Variants in LANCL2 observed in about 807,000 individuals in gnomAD.
LANCL2 encodes lanC-like protein 2.
LANCL2 carries 33 observed loss-of-function variants against 56.9 expected under a neutral mutation model. The ratio of observed to expected loss-of-function variants is 0.58; its 90% CI spans 0.44 to 0.78. LANCL2 has a LOEUF of 0.78. Ranked by LOEUF, LANCL2 falls within the 30% of genes least tolerant of loss-of-function variation. The pLI, the probability that LANCL2 is intolerant of heterozygous loss-of-function variation, is 0.00. For missense variants in LANCL2, 562 were observed against 580.2 expected (o/e 0.97, Z 0.32); for synonymous variants, 233 against 228.2 (o/e 1.02, Z -0.19).
In LANCL2 at chr7:55,431,218, C is replaced by T. The variant is rs773850906; in HGVS notation, c.1259-8C>T. On this transcript the variant is annotated splice_polypyrimidine_tract_variant and splice_region_variant and intron_variant, in intron 8 of 8. Coordinates refer to ENST00000254770, the MANE Select transcript of LANCL2 (RefSeq NM_018697.4). ...CATTCCTAAGAGGCTCCTCATTTTA[C>T]ATTGCAGGCATGGCTGGCGCTATTC... is the stretch of plus-strand genomic sequence containing the variant. The T allele has an allele frequency of 3.1e-6, 5 of 1,603,624 alleles. No individual in the cohort carries two copies. Among genetic ancestry groups the T allele is most frequent in the Non-Finnish European group, 4.3e-6 (5 of 1,174,202 alleles).
intron 5 of LANCL2, among the ~76,000 whole-genome samples, chr7:55,409,340 C>T (rs974648330): frequency 3.3e-5 from 5 of 151,958 alleles, no homozygotes; most frequent in South Asian, 2.1e-4. Flanking sequence ...CCACCCGCCT[C>T]GGCCTCCCAA....
At position 55,401,245 on chromosome 7, in the gene LANCL2, G is replaced by A. The variant is rs1366259069; in HGVS notation, c.750G>A (p.Leu250=). Residue 250 remains leucine (L), a synonymous_variant, in exon 5 of 9, where the codon CTG becomes CTA. Transcript: ENST00000254770. The stretch of plus-strand genomic sequence containing the variant: ...AAAGAAAAACGGAGCGCTGCCCGCT[G>A]TTGTACCAGTGGCACCGGAAGCAGT... ...REERKTERCP[L]LYQWHRKQYV... 2.5e-6 allele frequency: 4 copies of A among 1,614,054 alleles called. No individual in the cohort carries two copies. Among genetic ancestry groups the A allele is most frequent in the Middle Eastern group, 1.6e-4 (1 of 6,084 alleles).
intron 6 of LANCL2, among the ~76,000 whole-genome samples, chr7:55,418,150 A>C (rs1190171481): frequency 6.6e-6 from 1 of 151,276 alleles, no homozygotes; most frequent in East Asian, 1.9e-4. Flanking sequence ...TACATTTTCC[A>C]ATTATGTATT....
At chr7:55,379,309 A>G (rs778830735) in intron 1 of LANCL2, among the ~76,000 whole-genome samples, 9 of 152,224 alleles carry the variant, frequency 5.9e-5, no homozygotes, top group Non-Finnish European at 1.3e-4. Flanking sequence ...ATCAGCAGGC[A>G]GAAGGGGAGA....
Position 55,412,098 on chromosome 7 carries a change from T to C in LANCL2, c.1008+9T>C, listed in dbSNP as rs1051567117. On this transcript the variant is annotated intron_variant, in intron 6 of 8. Transcript: ENST00000254770. The stretch of plus-strand genomic sequence containing the variant: ...TCATGCAGGCGTACAAGGTCAGTGC[T>C]TCCGCCGTCACGGCCGTCCCCTGTG... 1.2e-6 allele frequency: 2 copies of C among 1,606,556 alleles called. No individual in the cohort carries two copies. The highest frequency in any genetic ancestry group is 2.7e-5 in the African/African-American group (2 of 74,812).
intron 7 of LANCL2, among the ~76,000 whole-genome samples, chr7:55,426,933 C>CAGCAGGGGTGAGAT (rs1790670556): frequency 6.6e-6 from 1 of 151,990 alleles, no homozygotes; most frequent in Admixed American, 6.5e-5. Flanking sequence ...AGGGGTGAGA[C>CAGCAGGGGTGAGAT]GCAGCCGGTT....
chr7:55,420,416 A>G (rs573399535), intron 6 of LANCL2, among the ~76,000 whole-genome samples: 25 of 152,362 alleles, frequency 1.6e-4, no homozygotes, highest in African/African-American at 5.5e-4. Context: ...GTTACAGAAC[A>G]TATTATGTAC....
At chr7:55,413,978 A>G (rs1023527348) in intron 6 of LANCL2, among the ~76,000 whole-genome samples, 3 of 152,238 alleles carry the variant, frequency 2.0e-5, no homozygotes, top group Non-Finnish European at 2.9e-5. Context: ...TAAATGATAA[A>G]TGTTCAAGGT....
At position 55,365,771 on chromosome 7, in the gene LANCL2, T is replaced by G. The variant is rs750922234; in HGVS notation, c.-255T>G. 674 of 361,932 alleles carry G rather than the reference T, an allele frequency of 1.9e-3. 5 individuals carry two copies. Among genetic ancestry groups the G allele is most frequent in the East Asian group, 1.7e-3 (42 of 24,972 alleles). 22.4% of individuals were successfully genotyped at this position (361,932 alleles called of 1,614,324 possible). A position where few individuals can be genotyped will look rare whatever the true frequency, so the allele number is the denominator to read the frequency against. ...GGGCGCTCCCGCGAGCCCGCTCCTC[T>G]CCGTCGGGAGCAGGGCAAAGGCGCC... On this transcript the variant is annotated 5_prime_UTR_variant, in exon 1 of 9. Coordinates refer to ENST00000254770, the MANE Select transcript of LANCL2 (RefSeq NM_018697.4).
rs576807074 is a variant in LANCL2 at position 55,402,693 on chromosome 7, G to T, written c.825+1373G>T. On this transcript the variant is annotated intron_variant, in intron 5 of 8. Coordinates refer to ENST00000254770, the MANE Select transcript of LANCL2 (RefSeq NM_018697.4). ...TTCCGGACGGGGCGGCTGGCCGGGCGGGGGGCTGACCCCCACCTCCCTCCC... is the reference window on the plus strand; with the variant it reads ...TTCCGGACGGGGCGGCTGGCCGGGCTGGGGGCTGACCCCCACCTCCCTCCC... Among the ~76,000 whole-genome samples, 5 of 123,036 alleles carry T rather than the reference G, an allele frequency of 4.1e-5. No homozygotes were observed. In the East Asian group the frequency reaches 8.7e-4, roughly 21 times the overall value. 80.7% of individuals were successfully genotyped at this position (123,036 alleles called of 152,430 possible). A position where few individuals can be genotyped will look rare whatever the true frequency, so the allele number is the denominator to read the frequency against.
At chr7:55,374,137 C>A (rs1789975318) in intron 1 of LANCL2, among the ~76,000 whole-genome samples, 1 of 152,064 alleles carries the variant, frequency 6.6e-6, no homozygotes, top group African/African-American at 2.4e-5. Flanking sequence ...TGTTTTGAGC[C>A]CTTGTTTGCA....
In LANCL2 at chr7:55,431,200, A is replaced by G. The variant is rs747591612; in HGVS notation, c.1259-26A>G. On this transcript the variant is annotated intron_variant, in intron 8 of 8. Transcript: ENST00000254770. ...TAGACACTACCCTTATGCCATTCCT[A>G]AGAGGCTCCTCATTTTACATTGCAG... 9.9e-5 allele frequency: 154 copies of G among 1,558,318 alleles called. No individual in the cohort carries two copies. The South Asian group carries it at 1.6e-3, about 16-fold the overall frequency.
At chr7:55,426,036 G>T (rs960164472) in intron 7 of LANCL2, among the ~76,000 whole-genome samples, 1 of 152,158 alleles carries the variant, frequency 6.6e-6, no homozygotes, top group Non-Finnish European at 1.5e-5. Context: ...CGCTGGACCT[G>T]TCGTTAACTG....
intron 1 of LANCL2, among the ~76,000 whole-genome samples, chr7:55,388,559 G>A (rs1357116135): frequency 6.6e-6 from 1 of 152,168 alleles, no homozygotes; most frequent in Admixed American, 6.5e-5. Context: ...GGAATGGAGA[G>A]GAAAGAGTTA....
chr7:55,372,460 A>T (rs1789953985), intron 1 of LANCL2, among the ~76,000 whole-genome samples: 2 of 152,328 alleles, frequency 1.3e-5, no homozygotes, highest in South Asian at 4.1e-4. Flanking sequence ...TGAGGTTCTT[A>T]ATATAACATA....
chr7:55,404,237 G>GCCT (rs1305400409), intron 5 of LANCL2, among the ~76,000 whole-genome samples: 1 of 151,916 alleles, frequency 6.6e-6, no homozygotes, highest in Non-Finnish European at 1.5e-5. Flanking sequence ...CTCTGCCACC[G>GCCT]CCTCCTCCTC....
rs1583770308 is a variant in LANCL2 at position 55,431,433 on chromosome 7, G to A, written c.*113G>A. 1 of 698,824 alleles carries A rather than the reference G, an allele frequency of 1.4e-6. No individual in the cohort carries two copies. The highest frequency in any genetic ancestry group is 2.4e-6 in the Non-Finnish European group (1 of 418,952). 43.3% of individuals were successfully genotyped at this position (698,824 alleles called of 1,614,324 possible). On this transcript the variant is annotated 3_prime_UTR_variant, in exon 9 of 9. Coordinates refer to ENST00000254770, the MANE Select transcript of LANCL2 (RefSeq NM_018697.4). ...GAAAGAGAAGCAGACACCGTCACAG[G>A]CCCCTCTGGTTAGACTAGCATGAGT...
intron 1 of LANCL2, among the ~76,000 whole-genome samples, chr7:55,369,324 C>G (rs1013979321): frequency 6.6e-6 from 1 of 152,220 alleles, no homozygotes; most frequent in African/African-American, 2.4e-5. Flanking sequence ...TCTACCAACA[C>G]AATAACATTT....
rs536847709 is a variant in LANCL2 at position 55,388,453 on chromosome 7, C to T, written c.205-3340C>T. Among the ~76,000 whole-genome samples the T allele has an allele frequency of 4.6e-5, 7 of 152,072 alleles. No individual in the cohort carries two copies. The South Asian group carries it at 8.3e-4, about 18-fold the overall frequency. ...CCCAGCTACTTGGGAGGCTGAGGCACGAGAATGGCTTGAACCTGGGAGGCA... is the reference window on the plus strand; with the variant it reads ...CCCAGCTACTTGGGAGGCTGAGGCATGAGAATGGCTTGAACCTGGGAGGCA... On this transcript the variant is annotated intron_variant, in intron 1 of 8. Transcript: ENST00000254770.
Sources: allele counts gnomAD v4.1 joint callset (sites outside exome capture counted in the v4.1 genomes callset), GRCh38; gene constraint gnomAD v4.1.1; transcripts MANE v1.5; gene names NCBI Gene and HGNC (gene_info 2026-07-23, HGNC 2026-07-21).